Variants in HYDIN observed in about 807,000 individuals in gnomAD.
The protein encoded by HYDIN is HYDIN axonemal central pair apparatus protein, also known as axonemal central pair apparatus protein HYDIN.
A neutral mutation model predicts 403.9 loss-of-function variants in HYDIN; 132 were observed. The ratio of observed to expected loss-of-function variants is 0.33; its 90% CI spans 0.28 to 0.38. The LOEUF (loss-of-function observed/expected upper bound fraction) is 0.38, where lower values mean the gene tolerates loss of function less well. Ranked by LOEUF, HYDIN falls within the 10% of genes least tolerant of loss-of-function variation. HYDIN has a pLI of 1.00. For synonymous variants in HYDIN, 1,202 were observed against 1,891.7 expected (o/e 0.64, Z 9.46); for missense variants, 2,827 against 5,009.5 (o/e 0.56, Z 13.15).
chr16:71,132,900 A>G (rs1180305771), intron 8 of HYDIN: 1 of 159,006 alleles, frequency 6.3e-6, no homozygotes, highest in Non-Finnish European at 1.3e-5. Flanking sequence ...GTGTTTTGCC[A>G]TCTCGTCCTG....
At chr16:70,810,514 T>A (rs1274768974) in intron 84 of HYDIN, among the ~76,000 whole-genome samples, 1 of 152,214 alleles carries the variant, frequency 6.6e-6, no homozygotes, top group Non-Finnish European at 1.5e-5. Context: ...TTCAGTGGAA[T>A]ATTGTGTAGC....
At chr16:71,124,290 GAC>G (rs1404142439) in intron 9 of HYDIN, among the ~76,000 whole-genome samples, 1 of 152,268 alleles carries the variant, frequency 6.6e-6, no homozygotes, top group Non-Finnish European at 1.5e-5. Flanking sequence ...CAGGTGGTAA[GAC>G]AGAGGAAGGA....
At chr16:70,979,168 T>C (rs980820209) in intron 29 of HYDIN, 127 bp from the exon 30 acceptor site, 9 of 1,154,942 alleles carry the variant, frequency 7.8e-6, no homozygotes, top group Non-Finnish European at 9.7e-6. Context: ...GACTTTTGGA[T>C]ACTTTGTCTG....
intron 53 of HYDIN, 59 bp from the exon 54 acceptor site, chr16:70,896,139 A>C (rs1365933107): frequency 1.1e-4 from 169 of 1,602,164 alleles, no homozygotes; most frequent in Non-Finnish European, 1.4e-4. Flanking sequence ...TTGGAGCCTG[A>C]AACATGTAAT....
In HYDIN at chr16:71,230,699, G is replaced by A. The variant is rs1297685934; in HGVS notation, c.-161C>T. 3 of 1,536,044 alleles carry A rather than the reference G, an allele frequency of 2.0e-6. No individual in the cohort carries two copies. Among genetic ancestry groups the A allele is most frequent in the East Asian group, 4.9e-5 (2 of 40,908 alleles). On this transcript the variant is annotated 5_prime_UTR_variant, in exon 1 of 86. Transcript: ENST00000393567. ...CCCGCACTCTCCATGCGCCGCCCGA[G>A]CTGTTGCCGTCCGTTGCCACGGTAA...
chr16:71,174,113 TTTTA>T (rs1365083343), intron 5 of HYDIN, among the ~76,000 whole-genome samples: 1 of 152,212 alleles, frequency 6.6e-6, no homozygotes, highest in Non-Finnish European at 1.5e-5. Context: ...TTATTTATCT[TTTTA>T]TTTATTTCAG....
chr16:70,843,132 G>A (rs1247378720), intron 75 of HYDIN, among the ~76,000 whole-genome samples: 158 of 147,048 alleles, frequency 1.1e-3, no homozygotes, highest in Non-Finnish European at 1.9e-3. Context: ...ATGCTGGTGC[G>A]CTGCACCCAC....
chr16:71,194,140 C>T (rs1397059154), intron 1 of HYDIN, among the ~76,000 whole-genome samples: 1 of 152,190 alleles, frequency 6.6e-6, no homozygotes, highest in Non-Finnish European at 1.5e-5. Context: ...GGGCCGGGTG[C>T]AGTGGCTCGC....
In HYDIN at chr16:71,027,785, C is replaced by T. The variant is rs201790967; in HGVS notation, c.2859G>A (p.Gln953=). ...CCCGGCCCTTCTTACTCAGCTTGGC[C>T]TGGGGTCGGAAGCTATCATTCATCC... ...LFWMNDSFRP[Q]AKLSKKGRVK... Residue 953 remains glutamine, a synonymous_variant, in exon 20 of 86, where the codon CAG becomes CAA. Coordinates refer to ENST00000393567, the MANE Select transcript of HYDIN (RefSeq NM_001270974.2). The T allele has an allele frequency of 1.2e-3, 1,363 of 1,126,328 alleles. 4 individuals carry two copies. Among genetic ancestry groups the T allele is most frequent in the Middle Eastern group, 2.6e-3 (9 of 3,502 alleles). The allele number at this position is 1,126,328 out of a possible 1,614,324, so 69.8% of individuals were successfully genotyped here.
chr16:71,196,687 A>G lies in HYDIN; in HGVS notation c.-23-9769T>C, dbSNP rs138385146. Among the ~76,000 whole-genome samples the G allele has an allele frequency of 1.3e-3, 198 of 152,308 alleles. 1 individual carries two copies. The highest frequency in any genetic ancestry group is 4.2e-3 in the African/African-American group (174 of 41,574). On this transcript the variant is annotated intron_variant, in intron 1 of 85. Coordinates refer to ENST00000393567, the MANE Select transcript of HYDIN (RefSeq NM_001270974.2). ...AAGTCACAGGACGAGATAGAAGGTC[A>G]GCACAAGATACAGGTCATAAAGACC... is the stretch of plus-strand genomic sequence containing the variant.
chr16:71,202,836 C>A lies in HYDIN; in HGVS notation c.-23-15918G>T, dbSNP rs527944925. On this transcript the variant is annotated intron_variant, in intron 1 of 85. Coordinates refer to ENST00000393567, the MANE Select transcript of HYDIN (RefSeq NM_001270974.2). ...TTGGCTATCCAGTGTAATTCCCTCT[C>A]CCTTGTCCCTCCCCTATTCTCCTTC... Among the ~76,000 whole-genome samples the A allele has an allele frequency of 3.3e-5, 5 of 152,312 alleles. No homozygotes were observed. In the South Asian group the frequency reaches 6.2e-4, roughly 19 times the overall value.
At chr16:71,158,294 T>A (rs2085857121) in intron 6 of HYDIN, among the ~76,000 whole-genome samples, 5 of 152,264 alleles carry the variant, frequency 3.3e-5, no homozygotes, top group Admixed American at 2.6e-4. Context: ...TGGGCCAGCA[T>A]GTCTACTGTT....
At chr16:70,810,990 A>G (rs190495368) in intron 84 of HYDIN, among the ~76,000 whole-genome samples, 8 of 152,340 alleles carry the variant, frequency 5.3e-5, no homozygotes, top group African/African-American at 1.4e-4. Flanking sequence ...AGAGACTGTA[A>G]GAATATATAC....
At chr16:71,007,479 G>A (rs1458702751) in intron 23 of HYDIN, among the ~76,000 whole-genome samples, 1 of 152,060 alleles carries the variant, frequency 6.6e-6, no homozygotes, top group Non-Finnish European at 1.5e-5. Flanking sequence ...GGTTAAAACA[G>A]GGGCTTTGCA....
chr16:71,211,323 C>T (rs997493101), intron 1 of HYDIN, among the ~76,000 whole-genome samples: 1 of 152,154 alleles, frequency 6.6e-6, no homozygotes. Flanking sequence ...CTAAAAGATG[C>T]TGAGGTACCT....
chr16:70,829,785 T>C lies in HYDIN; in HGVS notation c.13945A>G (p.Ile4649Val), dbSNP rs778274204. ...TGGTTGGTGCGGTTTGACAGCAGGA[T>C]GGTCTGCGTGTGCTTGGAGCGCACC... ...CQVRSKHTQT[I>V]LLSNRTNQTW... is the part of the protein sequence containing the mutation. Residue 4649 changes from isoleucine to valine, a missense_variant, in exon 81 of 86, where the codon ATC (isoleucine) becomes GTC (valine). Physicochemically the swap from Ile to Val is conservative, Grantham distance 29. Coordinates refer to ENST00000393567, the MANE Select transcript of HYDIN (RefSeq NM_001270974.2). 4 of 1,614,042 alleles carry C rather than the reference T, an allele frequency of 2.5e-6. No individual in the cohort carries two copies. The highest frequency in any genetic ancestry group is 2.2e-5 in the South Asian group (2 of 91,076).
intron 1 of HYDIN, among the ~76,000 whole-genome samples, chr16:71,213,603 T>A (rs1447608008): frequency 1.3e-5 from 2 of 152,112 alleles, no homozygotes; most frequent in Non-Finnish European, 2.9e-5. Context: ...CATATTGAAA[T>A]ATGTTGAATT....
At chr16:70,808,579 C>A (rs147223203) in intron 85 of HYDIN, among the ~76,000 whole-genome samples, 1,927 of 152,212 alleles carry the variant, frequency 0.013, 19 homozygotes, top group Non-Finnish European at 0.021. Flanking sequence ...GAGCAGGGTC[C>A]CCTGCTGGCC....
intron 19 of HYDIN, among the ~76,000 whole-genome samples, chr16:71,030,716 C>T: frequency 6.6e-6 from 1 of 152,264 alleles, no homozygotes; most frequent in Non-Finnish European, 1.5e-5. Flanking sequence ...TAGGCGTGGG[C>T]TACTGTGCCT....
Sources: allele counts gnomAD v4.1 joint callset (sites outside exome capture counted in the v4.1 genomes callset), GRCh38; gene constraint gnomAD v4.1.1; transcripts MANE v1.5; gene names NCBI Gene and HGNC (gene_info 2026-07-23, HGNC 2026-07-21).